SLCO5A1: variants seen among roughly 807,000 people sequenced by gnomAD.
SLCO5A1 encodes organic anion transporter polypeptide-related protein 4.
Under a neutral mutation model 65.1 loss-of-function variants are expected in SLCO5A1, and 39 were observed. The observed-to-expected ratio is 0.60, with a 90% CI of 0.46 to 0.78. SLCO5A1 has a LOEUF of 0.78. Among genes scored for constraint, SLCO5A1 ranks in the 30% least tolerant of loss-of-function variants. The probability of loss-of-function intolerance (pLI) is 0.00; values close to 1 mark genes in which losing one functional copy is unlikely to be tolerated. For synonymous variants in SLCO5A1, 438 were observed against 415.7 expected, an observed-to-expected ratio of 1.05 and a Z score of -0.65; for missense variants, 1,029 against 1,069.4, an observed-to-expected ratio of 0.96 and a Z score of 0.53.
intron 2 of SLCO5A1, chr8:69,794,479 A>G: frequency 2.4e-6 from 1 of 417,292 alleles, no homozygotes; most frequent in Non-Finnish European, 4.7e-6. Context: ...AACCAATTCC[A>G]TCATGGTTTG....
intron 2 of SLCO5A1, among the ~76,000 whole-genome samples, chr8:69,762,571 G>T (rs1330739510): frequency 6.6e-6 from 1 of 151,886 alleles, no homozygotes; most frequent in Non-Finnish European, 1.5e-5. Context: ...TAGTTAATGA[G>T]GCAGTCACTG....
intron 2 of SLCO5A1, among the ~76,000 whole-genome samples, chr8:69,820,915 A>G (rs1340809752): frequency 1.3e-5 from 2 of 152,188 alleles, no homozygotes; most frequent in South Asian, 2.1e-4. Context: ...ATCCCCAGGC[A>G]GAAACAGGCT....
At chr8:69,811,640 G>A (rs529359490) in intron 2 of SLCO5A1, among the ~76,000 whole-genome samples, 55 of 152,298 alleles carry the variant, frequency 3.6e-4, no homozygotes, top group Middle Eastern at 3.4e-3. Flanking sequence ...CAGGCAACCC[G>A]CTCAGAAAAG....
At chr8:69,762,340 C>T (rs1003322043) in intron 2 of SLCO5A1, among the ~76,000 whole-genome samples, 3 of 152,026 alleles carry the variant, frequency 2.0e-5, no homozygotes, top group Non-Finnish European at 4.4e-5. Context: ...GCGCCCGCCA[C>T]CACACCCAGC....
intron 6 of SLCO5A1, chr8:69,700,155 G>A (rs551058182): frequency 6.6e-6 from 1 of 152,340 alleles, no homozygotes; most frequent in African/African-American, 2.4e-5. Context: ...AAGATAAAAT[G>A]CAAGAAATCT....
intron 7 of SLCO5A1, among the ~76,000 whole-genome samples, chr8:69,680,783 C>A (rs763812461): frequency 6.6e-6 from 1 of 152,132 alleles, no homozygotes; most frequent in Non-Finnish European, 1.5e-5. Flanking sequence ...CTTTAGTTAG[C>A]TGGTGCCCTA....
intron 4 of SLCO5A1, among the ~76,000 whole-genome samples, chr8:69,744,965 A>G (rs1816958697): frequency 6.6e-6 from 1 of 152,252 alleles, no homozygotes; most frequent in African/African-American, 2.4e-5. Flanking sequence ...AATGTCCATT[A>G]AAGAAGAATT....
At chr8:69,822,810 T>A (rs544145465) in intron 2 of SLCO5A1, among the ~76,000 whole-genome samples, 1 of 152,182 alleles carries the variant, frequency 6.6e-6, no homozygotes, top group Non-Finnish European at 1.5e-5. Context: ...CCATGACCAG[T>A]TGTTGGTAGA....
intron 9 of SLCO5A1, among the ~76,000 whole-genome samples, chr8:69,676,018 C>T (rs1437804821): frequency 6.6e-6 from 1 of 152,212 alleles, no homozygotes; most frequent in Non-Finnish European, 1.5e-5. Context: ...CTATGTTCCA[C>T]CCGTACAAAT....
At chr8:69,746,652 T>C (rs2130851005) in intron 4 of SLCO5A1, among the ~76,000 whole-genome samples, 2 of 152,180 alleles carry the variant, frequency 1.3e-5, no homozygotes, top group South Asian at 4.1e-4. Flanking sequence ...GGATGAAAAG[T>C]GGTGTAATAA....
intron 6 of SLCO5A1, among the ~76,000 whole-genome samples, chr8:69,698,100 T>C (rs974814104): frequency 5.3e-5 from 8 of 152,304 alleles, no homozygotes; most frequent in Non-Finnish European, 1.2e-4. Flanking sequence ...AGTGGGAACA[T>C]GCGGTATTTG....
At chr8:69,760,772 A>C (rs1817735738) in intron 3 of SLCO5A1, among the ~76,000 whole-genome samples, 1 of 152,228 alleles carries the variant, frequency 6.6e-6, no homozygotes, top group Non-Finnish European at 1.5e-5. Context: ...ACTCAAACGC[A>C]ACTCTGTTAT....
intron 2 of SLCO5A1, among the ~76,000 whole-genome samples, chr8:69,817,348 T>C (rs544940864): frequency 1.3e-5 from 2 of 152,316 alleles, no homozygotes; most frequent in South Asian, 4.1e-4. Context: ...TGAATAATAT[T>C]ATATAGATAT....
intron 6 of SLCO5A1, among the ~76,000 whole-genome samples, chr8:69,702,461 T>C (rs1814785076): frequency 6.6e-6 from 1 of 152,116 alleles, no homozygotes; most frequent in Non-Finnish European, 1.5e-5. Context: ...TGTGCCATCC[T>C]ATTAGGCACT....
chr8:69,746,820 G>C (rs1586752295), intron 4 of SLCO5A1, among the ~76,000 whole-genome samples: 2 of 152,248 alleles, frequency 1.3e-5, no homozygotes, highest in South Asian at 4.2e-4. Flanking sequence ...GCCAGCGAGA[G>C]ACTGCCCTCC....
Position 69,832,766 on chromosome 8 carries a change from A to G in SLCO5A1, c.-93T>C. 7.0e-7 allele frequency: 1 copy of G among 1,425,728 alleles called. No individual in the cohort carries two copies. The highest frequency in any genetic ancestry group is 9.3e-7 in the Non-Finnish European group (1 of 1,074,538). 88.3% of individuals were successfully genotyped at this position (1,425,728 alleles called of 1,614,324 possible). ...CGAGGGGCCGAAGCCGGGCCCAGTC[A>G]GTCTTGCCCACCTGGGACTGGGGCT... On this transcript the variant is annotated 5_prime_UTR_variant, in exon 2 of 10. Transcript: ENST00000260126. This position sits in a 1 kb window ranked among gnomAD's most constrained non-coding sequence, Gnocchi z 4.5.
intron 2 of SLCO5A1, among the ~76,000 whole-genome samples, chr8:69,804,601 C>A (rs892148018): frequency 1.3e-5 from 2 of 152,200 alleles, no homozygotes; most frequent in Admixed American, 6.5e-5. Context: ...CAGGCATGAG[C>A]CACCGTGCCC....
chr8:69,810,154 G>A (rs1232828992), intron 2 of SLCO5A1, among the ~76,000 whole-genome samples: 2 of 152,152 alleles, frequency 1.3e-5, no homozygotes, highest in Non-Finnish European at 2.9e-5. Context: ...AGGAGGCACC[G>A]CATTTAGTGG....
intron 2 of SLCO5A1, among the ~76,000 whole-genome samples, chr8:69,808,606 G>A (rs899662699): frequency 2.0e-5 from 3 of 152,036 alleles, no homozygotes; most frequent in African/African-American, 7.3e-5. Context: ...CTTTGCTATT[G>A]TGAATAGTGC....
Sources: allele counts gnomAD v4.1 joint callset (sites outside exome capture counted in the v4.1 genomes callset), GRCh38; gene constraint gnomAD v4.1.1; non-coding constraint Gnocchi (gnomAD v3.1); transcripts MANE v1.5; gene names NCBI Gene and HGNC (gene_info 2026-07-23, HGNC 2026-07-21).